Variants in ADARB2 observed in about 807,000 individuals in gnomAD.
The protein encoded by ADARB2 is inactive double-stranded RNA-specific editase B2.
Under a neutral mutation model 62.2 loss-of-function variants are expected in ADARB2, and 25 were observed. The observed-to-expected ratio is 0.40, with a 90% CI of 0.29 to 0.56. The LOEUF (loss-of-function observed/expected upper bound fraction) is 0.56, where lower values mean the gene tolerates loss of function less well. ADARB2 is among the 20% of genes least tolerant of loss of function. The pLI is 0.43. For missense variants in ADARB2, 1,071 were observed against 1,077.4 expected, an observed-to-expected ratio of 0.99 and a Z score of 0.08; for synonymous variants, 572 against 500.8, an observed-to-expected ratio of 1.14 and a Z score of -1.90.
chr10:1,673,550 G>A (rs888426292), intron 1 of ADARB2, among the ~76,000 whole-genome samples: 1 of 152,202 alleles, frequency 6.6e-6, no homozygotes, highest in South Asian at 2.1e-4. Context: ...GAAACACGTC[G>A]CTTAGACCTT....
intron 1 of ADARB2, among the ~76,000 whole-genome samples, chr10:1,521,926 A>G (rs1041205900): frequency 3.3e-5 from 5 of 152,092 alleles, no homozygotes; most frequent in African/African-American, 7.2e-5. Context: ...CCTTGGACAC[A>G]TGTTCTCAGG....
At chr10:1,328,368 G>T (rs1341885932) in intron 3 of ADARB2, among the ~76,000 whole-genome samples, 2 of 152,198 alleles carry the variant, frequency 1.3e-5, no homozygotes, top group Non-Finnish European at 2.9e-5. Context: ...TCGAAGAAAG[G>T]CTCTTAAGGG....
intron 4 of ADARB2, among the ~76,000 whole-genome samples, chr10:1,254,469 G>T (rs1831063278): frequency 6.6e-6 from 1 of 152,212 alleles, no homozygotes; most frequent in Non-Finnish European, 1.5e-5. Flanking sequence ...GTGATCAGAG[G>T]AATCTTTTGG....
rs117119005 is a variant in ADARB2, at chr10:1,660,205, C to T, written c.100+76846G>A. Among the ~76,000 whole-genome samples, 1,359 of 152,350 alleles carry T rather than the reference C, an allele frequency of 8.9e-3. 16 individuals are homozygous for T. The highest frequency in any genetic ancestry group is 0.045 in the East Asian group (236 of 5,188). Reference sequence around the variant, plus strand: ...ATGCAGAATAGAAGCTCCCTGTGACCGAGCCTGTGCTCACAAAGCACTGGC... The same window carrying T: ...ATGCAGAATAGAAGCTCCCTGTGACTGAGCCTGTGCTCACAAAGCACTGGC... On this transcript the variant is annotated intron_variant, in intron 1 of 9. Transcript: ENST00000381312.
At chr10:1,533,647 G>A (rs1371265032) in intron 1 of ADARB2, among the ~76,000 whole-genome samples, 2 of 152,216 alleles carry the variant, frequency 1.3e-5, no homozygotes, top group African/African-American at 4.8e-5. Flanking sequence ...GGAATACCAG[G>A]ATGAGTTAAT....
intron 1 of ADARB2, among the ~76,000 whole-genome samples, chr10:1,510,162 T>TTC (rs1831917281): frequency 1.4e-5 from 2 of 146,848 alleles, no homozygotes; most frequent in African/African-American, 5.1e-5. Flanking sequence ...CTTTCTTTCT[T>TTC]TCTTTCTTTT....
intron 1 of ADARB2, among the ~76,000 whole-genome samples, chr10:1,663,359 G>A (rs1834272962): frequency 2.0e-5 from 3 of 152,186 alleles, no homozygotes; most frequent in Non-Finnish European, 4.4e-5. Context: ...TGCGACAAGT[G>A]CATCTCCCCG....
chr10:1,685,072 G>A (rs1362406922), intron 1 of ADARB2, among the ~76,000 whole-genome samples: 4 of 152,226 alleles, frequency 2.6e-5, no homozygotes, highest in African/African-American at 9.6e-5. Flanking sequence ...AGACCGGACA[G>A]GACCATGTCG....
At chr10:1,383,240 C>T (rs900779194) in intron 1 of ADARB2, among the ~76,000 whole-genome samples, 4 of 152,198 alleles carry the variant, frequency 2.6e-5, no homozygotes, top group Admixed American at 1.3e-4. Context: ...AGGTTATTGT[C>T]GGTTTTTCAT....
intron 1 of ADARB2, among the ~76,000 whole-genome samples, chr10:1,572,155 G>C (rs1393963415): frequency 6.7e-6 from 1 of 149,650 alleles, no homozygotes; most frequent in African/African-American, 2.5e-5. Context: ...GGACAGGTGA[G>C]TGTGCAGGTG....
intron 1 of ADARB2, among the ~76,000 whole-genome samples, chr10:1,509,501 C>T (rs781231599): frequency 1.4e-4 from 21 of 152,262 alleles, no homozygotes; most frequent in African/African-American, 3.6e-4. Context: ...GGTTTAAGCC[C>T]GAGCTGCTAC....
At chr10:1,210,209 A>G (rs1391766785) in intron 7 of ADARB2, among the ~76,000 whole-genome samples, 2 of 152,218 alleles carry the variant, frequency 1.3e-5, no homozygotes, top group Non-Finnish European at 2.9e-5. Context: ...AGAATGACCT[A>G]TTTGTCTGGC....
At chr10:1,261,305 G>C (rs570509190) in intron 4 of ADARB2, among the ~76,000 whole-genome samples, 5 of 150,048 alleles carry the variant, frequency 3.3e-5, no homozygotes, top group Admixed American at 3.3e-4. Context: ...TGACAAATGG[G>C]ATCTAATTAA....
chr10:1,302,678 T>C (rs1423174187), intron 3 of ADARB2, among the ~76,000 whole-genome samples: 1 of 152,206 alleles, frequency 6.6e-6, no homozygotes, highest in African/African-American at 2.4e-5. Context: ...CAGCTGGAGA[T>C]CTGAGAACGG....
At chr10:1,614,228 A>G (rs972125089) in intron 1 of ADARB2, among the ~76,000 whole-genome samples, 4 of 152,258 alleles carry the variant, frequency 2.6e-5, no homozygotes, top group African/African-American at 9.6e-5. Context: ...TCAATACAAA[A>G]GTTAAAAAAA....
intron 1 of ADARB2, among the ~76,000 whole-genome samples, chr10:1,442,633 C>T (rs1297091206): frequency 6.6e-6 from 1 of 152,144 alleles, no homozygotes; most frequent in African/African-American, 2.4e-5. Context: ...GACCAGCAGT[C>T]GTACTCTTGA....
At chr10:1,476,424 C>T (rs1831402375) in intron 1 of ADARB2, among the ~76,000 whole-genome samples, 1 of 152,192 alleles carries the variant, frequency 6.6e-6, no homozygotes. Context: ...TTTCAGTGTC[C>T]TGCGTGGTGA....
At chr10:1,723,309 C>G (rs891338891) in intron 1 of ADARB2, among the ~76,000 whole-genome samples, 1 of 152,250 alleles carries the variant, frequency 6.6e-6, no homozygotes, top group Non-Finnish European at 1.5e-5. Flanking sequence ...CTCCTGTCCT[C>G]TGGGGACCTG....
intron 1 of ADARB2, among the ~76,000 whole-genome samples, chr10:1,687,229 T>A (rs1359857985): frequency 1.3e-5 from 2 of 152,198 alleles, no homozygotes; most frequent in Non-Finnish European, 2.9e-5. Flanking sequence ...TTTCACCATG[T>A]TGTCCAGGCT....
Sources: gnomAD v4.1 joint callset for allele counts (sites outside exome capture counted in the v4.1 genomes callset) on GRCh38, gnomAD v4.1.1 for gene constraint, MANE v1.5 for transcripts, NCBI Gene and HGNC (gene_info 2026-07-23, HGNC 2026-07-21) for gene names.